EBF3: variants seen among roughly 807,000 people sequenced by gnomAD.
EBF3 encodes the protein transcription factor COE3.
A neutral mutation model predicts 77.1 loss-of-function variants in EBF3; 18 were observed. The ratio of observed to expected loss-of-function variants is 0.23; its 90% CI spans 0.16 to 0.35. EBF3 has a LOEUF of 0.35. EBF3 is among the 10% of genes least tolerant of loss of function. The probability of loss-of-function intolerance (pLI) is 1.00; values close to 1 mark genes in which losing one functional copy is unlikely to be tolerated. For missense variants in EBF3, 558 were observed against 860.0 expected, an observed-to-expected ratio of 0.65 and a Z score of 4.39; for synonymous variants, 350 against 343.5, an observed-to-expected ratio of 1.02 and a Z score of -0.21.
chr10:129,928,037 G>T (rs1445435650), intron 6 of EBF3, among the ~76,000 whole-genome samples: 1 of 152,140 alleles, frequency 6.6e-6, no homozygotes, highest in East Asian at 1.9e-4. Flanking sequence ...AAGACTGGCA[G>T]AAATGAGATC....
chr10:129,877,512 T>C (rs1404240111), intron 7 of EBF3, among the ~76,000 whole-genome samples: 2 of 143,602 alleles, frequency 1.4e-5, no homozygotes, highest in South Asian at 4.5e-4. Flanking sequence ...AGCTTCCACA[T>C]GGCCATGTTT....
chr10:129,859,597 T>C (rs929486235), intron 10 of EBF3, among the ~76,000 whole-genome samples: 3 of 152,238 alleles, frequency 2.0e-5, no homozygotes, highest in Admixed American at 2.0e-4. Context: ...AAGCACTTTT[T>C]CTCAGGCTAG....
Position 129,842,712 on chromosome 10 carries a change from C to A in EBF3, c.1195-419G>T, listed in dbSNP as rs1480202852. 2.0e-5 allele frequency among the ~76,000 whole-genome samples: 3 copies of A among 148,170 alleles called. No homozygotes were observed. The highest frequency in any genetic ancestry group is 7.5e-5 in the African/African-American group (3 of 39,940). On this transcript the variant is annotated intron_variant, in intron 12 of 16. Coordinates refer to ENST00000440978, the MANE Select transcript of EBF3 (RefSeq NM_001375380.1). This position sits in a 1 kb window ranked among gnomAD's most constrained non-coding sequence, Gnocchi z 4.4. ...CTGGGAGGTGGAGGTTGCAGTGAACCGACACTGCCCTACTGCACTCCAGCC... is the reference window on the plus strand; with the variant it reads ...CTGGGAGGTGGAGGTTGCAGTGAACAGACACTGCCCTACTGCACTCCAGCC...
intron 6 of EBF3, among the ~76,000 whole-genome samples, chr10:129,904,642 G>A (rs117249057): frequency 0.021 from 3,215 of 151,628 alleles, 55 homozygotes; most frequent in South Asian, 0.08. Flanking sequence ...ATGGATGGAT[G>A]GATGGATGGA....
rs998008857 is a variant in EBF3 at position 129,861,302 on chromosome 10, C to G, written c.1039+5839G>C. ...ACTCCCAGGGGAAGGGGCTGAGGCA[C>G]AGATGCACGCCACCCCACTTGGTAC... On this transcript the variant is annotated intron_variant, in intron 10 of 16. Coordinates refer to ENST00000440978, the MANE Select transcript of EBF3 (RefSeq NM_001375380.1). This position sits in a 1 kb window ranked among gnomAD's most constrained non-coding sequence, Gnocchi z 4.3. Among the ~76,000 whole-genome samples the G allele has an allele frequency of 1.3e-5, 2 of 152,010 alleles. No individual in the cohort carries two copies. Among genetic ancestry groups the G allele is most frequent in the Non-Finnish European group, 2.9e-5 (2 of 68,022 alleles).
rs546846524 is a variant in EBF3 at position 129,874,792 on chromosome 10, C to T, written c.637-1196G>A. Among the ~76,000 whole-genome samples the T allele has an allele frequency of 2.6e-5, 4 of 152,268 alleles. No individual in the cohort carries two copies. In the South Asian group the frequency reaches 8.3e-4, roughly 32 times the overall value. On this transcript the variant is annotated intron_variant, in intron 7 of 16. Transcript: ENST00000440978. Reference sequence around the variant, plus strand: ...CAGGGTACACCTTCCCTGCAAGGCCCAGACAAAGCACGCCATGCAAAATGA... The same window carrying T: ...CAGGGTACACCTTCCCTGCAAGGCCTAGACAAAGCACGCCATGCAAAATGA...
intron 11 of EBF3, chr10:129,845,838 T>C (rs563666935): frequency 1.2e-4 from 18 of 152,072 alleles, no homozygotes; most frequent in African/African-American, 4.1e-4. Flanking sequence ...ATTAATTTTA[T>C]GGTAAAATCA....
chr10:129,941,736 A>G (rs1857755949), intron 6 of EBF3, among the ~76,000 whole-genome samples: 1 of 152,262 alleles, frequency 6.6e-6, no homozygotes, highest in Non-Finnish European at 1.5e-5. Flanking sequence ...CCCCTCAAGG[A>G]GGCAGAGCTT....
chr10:129,869,370 G>C (rs1256286522), intron 8 of EBF3, among the ~76,000 whole-genome samples: 1 of 152,164 alleles, frequency 6.6e-6, no homozygotes. Context: ...TAAACAATTA[G>C]TGGCTTAACC....
At position 129,839,016 on chromosome 10, in the gene EBF3, G is replaced by A. The variant is rs901769845; in HGVS notation, c.1872+67C>T. ...CACGCAGGCCAGTCGGCGGCACTTCGGGGGCCTGGGCGTCCCTTCATACGC... is the reference window on the plus strand; with the variant it reads ...CACGCAGGCCAGTCGGCGGCACTTCAGGGGCCTGGGCGTCCCTTCATACGC... On this transcript the variant is annotated intron_variant, in intron 16 of 16. Coordinates refer to ENST00000440978, the MANE Select transcript of EBF3 (RefSeq NM_001375380.1). The A allele has an allele frequency of 2.7e-5, 35 of 1,283,472 alleles. No individual in the cohort carries two copies. In the East Asian group the frequency reaches 9.0e-4, roughly 33 times the overall value. 79.5% of individuals were successfully genotyped at this position (1,283,472 alleles called of 1,614,324 possible).
At position 129,952,848 on chromosome 10, in the gene EBF3, T is replaced by C. The variant is rs778551304; in HGVS notation, c.554+4410A>G. 2.0e-5 allele frequency among the ~76,000 whole-genome samples: 3 copies of C among 151,938 alleles called. No individual in the cohort carries two copies. The highest frequency in any genetic ancestry group is 4.8e-5 in the African/African-American group (2 of 41,352). ...TCGGCATTAGGCCCAAATTACACGA[T>C]ATTAATACTTGAACAGGTGCAGAAA... On this transcript the variant is annotated intron_variant, in intron 6 of 16. Coordinates refer to ENST00000440978, the MANE Select transcript of EBF3 (RefSeq NM_001375380.1). This position sits in a 1 kb window ranked among gnomAD's most constrained non-coding sequence, Gnocchi z 4.7.
chr10:129,896,903 C>T (rs900167164), intron 6 of EBF3, among the ~76,000 whole-genome samples: 7 of 152,014 alleles, frequency 4.6e-5, no homozygotes, highest in African/African-American at 9.7e-5. Flanking sequence ...CTGCCCACGC[C>T]GCCACCCCAG....
chr10:129,913,029 C>CA (rs1185194307), intron 6 of EBF3, among the ~76,000 whole-genome samples: 1 of 152,168 alleles, frequency 6.6e-6, no homozygotes, highest in Non-Finnish European at 1.5e-5. Context: ...GGTGTCTGAG[C>CA]AAAAAACCGA....
At chr10:129,850,415 G>GT (rs1850785327) in intron 10 of EBF3, among the ~76,000 whole-genome samples, 1 of 152,208 alleles carries the variant, frequency 6.6e-6, no homozygotes, top group African/African-American at 2.4e-5. Context: ...TGAAAGCAGG[G>GT]TAAGTACATG....
intron 6 of EBF3, among the ~76,000 whole-genome samples, chr10:129,925,024 A>C (rs927457671): frequency 1.3e-5 from 2 of 152,312 alleles, no homozygotes; most frequent in African/African-American, 4.8e-5. Flanking sequence ...AAAATGTGGA[A>C]GCCACCCAAG....
chr10:129,885,938 T>G lies in EBF3; in HGVS notation c.555-8089A>C, dbSNP rs1448309755. On this transcript the variant is annotated intron_variant, in intron 6 of 16. Transcript: ENST00000440978. The surrounding 1 kb of genome is among the most constrained non-coding windows in gnomAD (Gnocchi z 4.0). ...GTGTGTGTTTTTAGGGATCTGAAGA[T>G]CACGGGAATGCTTCTTTCGCCATCC... Among the ~76,000 whole-genome samples, 1 of 152,098 alleles carries G rather than the reference T, an allele frequency of 6.6e-6. No homozygotes were observed. The highest frequency in any genetic ancestry group is 1.5e-5 in the Non-Finnish European group (1 of 68,020).
chr10:129,843,186 C>T lies in EBF3; in HGVS notation c.1145G>A (p.Arg382Gln), dbSNP rs1309064365. 3.7e-6 allele frequency: 6 copies of T among 1,612,806 alleles called. No individual in the cohort carries two copies. Among genetic ancestry groups the T allele is most frequent in the East Asian group, 2.2e-5 (1 of 44,830 alleles). ...ERLPKEVLLK[R>Q]AADLVEALYG... ...TAAGGCTTCCACCAGGTCCGCCGCCCGCTTCAGTAACACCTCCTAAAGGAA... is the reference window on the plus strand; with the variant it reads ...TAAGGCTTCCACCAGGTCCGCCGCCTGCTTCAGTAACACCTCCTAAAGGAA... Residue 382 changes from arginine to glutamine, a missense_variant, in exon 12 of 17, where the codon CGG (arginine) becomes CAG (glutamine). Physicochemically the swap from Arg to Gln is conservative, Grantham distance 43 (BLOSUM62 1). Around this residue, in one of 5 missense-constraint regions of EBF3, gnomAD observed 284 missense variants for 368.3 expected, o/e 0.77. Transcript: ENST00000440978.
At chr10:129,939,326 G>C (rs559277038) in intron 6 of EBF3, among the ~76,000 whole-genome samples, 1 of 152,266 alleles carries the variant, frequency 6.6e-6, no homozygotes, top group Non-Finnish European at 1.5e-5. Context: ...CAAATACGAA[G>C]GACAGGGTGA....
chr10:129,945,115 GGAGGTGAA>G (rs1284380778), intron 6 of EBF3, among the ~76,000 whole-genome samples: 14 of 66,658 alleles, frequency 2.1e-4, no homozygotes, highest in Non-Finnish European at 3.1e-4. Flanking sequence ...GGAAGGGGGG[GGAGGTGAA>G]GGGAGGGGCA....
Sources: allele counts gnomAD v4.1 joint callset (sites outside exome capture counted in the v4.1 genomes callset), GRCh38; gene constraint gnomAD v4.1.1; regional missense constraint gnomAD v4.1.1; non-coding constraint Gnocchi (gnomAD v3.1); transcripts MANE v1.5; gene names NCBI Gene and HGNC (gene_info 2026-07-23, HGNC 2026-07-21).